Variants in ADRA1D observed in about 807,000 individuals in gnomAD.
ADRA1D encodes the protein adrenoceptor alpha 1D.
In ADRA1D, 22 loss-of-function variants were observed where a neutral mutation model predicts 18.6. The ratio of observed to expected loss-of-function variants is 1.19; its 90% CI spans 0.85 to 1.69. ADRA1D has a LOEUF of 1.69. Among genes scored for constraint, ADRA1D ranks in the 40% most tolerant of loss-of-function variants. The pLI is 0.00. For synonymous variants in ADRA1D, 376 were observed against 388.2 expected, an observed-to-expected ratio of 0.97 and a Z score of 0.37; for missense variants, 840 against 840.7, an observed-to-expected ratio of 1.00 and a Z score of 0.01.
intron 1 of ADRA1D, among the ~76,000 whole-genome samples, 188 bp downstream of exon 1, chr20:4,247,659 G>A (rs919820952): frequency 6.6e-6 from 1 of 152,204 alleles, no homozygotes; most frequent in African/African-American, 2.4e-5. Flanking sequence ...AACGAACCTG[G>A]CGAGGATGAA....
In ADRA1D at chr20:4,248,625, C is replaced by T. The variant is rs112361529; in HGVS notation, c.333G>A (p.Val111=). The change falls in exon 1 of 2, where the codon GTG becomes GTA. Residue 111 remains valine, a synonymous_variant. Coordinates refer to ENST00000379453, the MANE Select transcript of ADRA1D (RefSeq NM_000678.4). ...VFLAAFILMA[V]AGNLLVILSV... ...AGAGGATGACAAGCAGGTTACCTGC[C>T]ACGGCCATAAGGATGAAGGCTGCCA... 1.1e-4 allele frequency: 170 copies of T among 1,613,032 alleles called. No individual in the cohort carries two copies. Among genetic ancestry groups the T allele is most frequent in the Non-Finnish European group, 1.4e-4 (165 of 1,179,824 alleles).
Position 4,221,314 on chromosome 20 carries a change from C to T in ADRA1D, c.*209G>A. ...CCTTCTAAGAAAAGAGTTCTGGGCA[C>T]CTGAGTCCAGCAGGGGGCCCCACTA... is the stretch of plus-strand genomic sequence containing the variant. On this transcript the variant is annotated 3_prime_UTR_variant, in exon 2 of 2. Coordinates refer to ENST00000379453, the MANE Select transcript of ADRA1D (RefSeq NM_000678.4). 2 of 510,186 alleles carry T rather than the reference C, an allele frequency of 3.9e-6. No individual in the cohort carries two copies. The highest frequency in any genetic ancestry group is 6.7e-6 in the Non-Finnish European group (2 of 297,184). The allele number at this position is 510,186 out of a possible 1,614,324, so 31.6% of individuals were successfully genotyped here. A position where few individuals can be genotyped will look rare whatever the true frequency, so the allele number is the denominator to read the frequency against.
chr20:4,231,267 G>GTTATTATTATTA (rs58687402), intron 1 of ADRA1D, among the ~76,000 whole-genome samples: 5,878 of 138,870 alleles, frequency 0.042, 356 homozygotes, highest in African/African-American at 0.12. Context: ...CTGGCTAATT[G>GTTATTATTATTA]TTATTATTAT....
rs372414474 is a variant in ADRA1D at position 4,226,550 on chromosome 20, T to G, written c.1112-4420A>C. Among the ~76,000 whole-genome samples the G allele has an allele frequency of 3.3e-5, 5 of 152,012 alleles. No homozygotes were observed. The South Asian group carries it at 6.3e-4, about 19-fold the overall frequency. On this transcript the variant is annotated intron_variant, in intron 1 of 1. Coordinates refer to ENST00000379453, the MANE Select transcript of ADRA1D (RefSeq NM_000678.4). ...TCTCACACCAGTAGAGTGAGGGAGG[T>G]GGGGTATTTATACGCCCATTCCCAT...
intron 1 of ADRA1D, 76 bp downstream of exon 1, chr20:4,247,771 C>T: frequency 7.1e-7 from 1 of 1,411,862 alleles, no homozygotes; most frequent in Non-Finnish European, 9.3e-7. Flanking sequence ...GGGGGTCGCC[C>T]AAGTCTGGGT....
chr20:4,234,982 G>A (rs1468400407), intron 1 of ADRA1D, among the ~76,000 whole-genome samples: 1 of 152,206 alleles, frequency 6.6e-6, no homozygotes, highest in Non-Finnish European at 1.5e-5. Context: ...AGTCATGGAA[G>A]CCTGTCAGGA....
rs1980691712 is a variant in ADRA1D at position 4,222,260 on chromosome 20, G to A, written c.1112-130C>T. On this transcript the variant is annotated intron_variant, in intron 1 of 1. Coordinates refer to ENST00000379453, the MANE Select transcript of ADRA1D (RefSeq NM_000678.4). The surrounding 1 kb of genome is among the most constrained non-coding windows in gnomAD (Gnocchi z 4.3). ...GACTAGGAGTTCTCAAGGGATCCGT[G>A]CTGTAAATCAGGAGGTCCATGAACT... 1.5e-6 allele frequency: 2 copies of A among 1,312,764 alleles called. No homozygotes were observed. Among genetic ancestry groups the A allele is most frequent in the Non-Finnish European group, 2.0e-6 (2 of 990,848 alleles). 81.3% of individuals were successfully genotyped at this position (1,312,764 alleles called of 1,614,324 possible).
intron 1 of ADRA1D, among the ~76,000 whole-genome samples, chr20:4,227,858 T>G (rs112536656): frequency 0.018 from 2,690 of 151,978 alleles, 82 homozygotes; most frequent in African/African-American, 0.062. Context: ...CCGCCTGCCT[T>G]GGCCTCCCAA....
At position 4,239,158 on chromosome 20, in the gene ADRA1D, G is replaced by A. The variant is rs1348296985; in HGVS notation, c.1111+8689C>T. On this transcript the variant is annotated intron_variant, in intron 1 of 1. Coordinates refer to ENST00000379453, the MANE Select transcript of ADRA1D (RefSeq NM_000678.4). The surrounding 1 kb of genome is among the most constrained non-coding windows in gnomAD (Gnocchi z 4.9). The stretch of plus-strand genomic sequence containing the variant: ...AGGTCATTGTAGTCTCAAGGCCAGA[G>A]TGTCATCATGGGTCAGCCTCAGTAC... Among the ~76,000 whole-genome samples, 1 of 152,066 alleles carries A rather than the reference G, an allele frequency of 6.6e-6. No individual in the cohort carries two copies. Among genetic ancestry groups the A allele is most frequent in the African/African-American group, 2.4e-5 (1 of 41,402 alleles).
At chr20:4,231,288 A>ATTATTC (rs1479296105) in intron 1 of ADRA1D, among the ~76,000 whole-genome samples, 1 of 147,920 alleles carries the variant, frequency 6.8e-6, no homozygotes, top group Non-Finnish European at 1.5e-5. Flanking sequence ...TATTATTATT[A>ATTATTC]TTATTATTTT....
Position 4,247,920 on chromosome 20 carries a change from C to T in ADRA1D, c.1038G>A (p.Ala346=), listed in dbSNP as rs867469613. 5.0e-6 allele frequency: 8 copies of T among 1,604,818 alleles called. No homozygotes were observed. Among genetic ancestry groups the T allele is most frequent in the African/African-American group, 2.7e-5 (2 of 74,594 alleles). The change falls in exon 1 of 2, where the codon GCG becomes GCA. Residue 346 remains alanine (A), a synonymous_variant. Coordinates refer to ENST00000379453, the MANE Select transcript of ADRA1D (RefSeq NM_000678.4). ...RLLKFSREKK[A]AKTLAIVVGV... ...CCACGACGATGGCCAGAGTCTTGGCCGCTTTCTTCTCACGGGAGAACTTGA... is the reference window on the plus strand; with the variant it reads ...CCACGACGATGGCCAGAGTCTTGGCTGCTTTCTTCTCACGGGAGAACTTGA...
rs56362733 is a variant in ADRA1D at position 4,225,126 on chromosome 20, T to C, written c.1112-2996A>G. On this transcript the variant is annotated intron_variant, in intron 1 of 1. Transcript: ENST00000379453. Reference sequence around the variant, plus strand: ...AAGCAATTCTCCTGCCTCAGCCTCCTGAGTAGCTGGGACTACAGGCACGCA... The same window carrying C: ...AAGCAATTCTCCTGCCTCAGCCTCCCGAGTAGCTGGGACTACAGGCACGCA... 7.7e-3 allele frequency among the ~76,000 whole-genome samples: 1,168 copies of C among 151,066 alleles called. 13 individuals are homozygous for C. The highest frequency in any genetic ancestry group is 0.012 in the Non-Finnish European group (796 of 67,804).
chr20:4,244,419 G>A (rs923017426), intron 1 of ADRA1D, among the ~76,000 whole-genome samples: 5 of 152,082 alleles, frequency 3.3e-5, no homozygotes, highest in East Asian at 1.9e-4. Context: ...GTCTTTCAAC[G>A]TCAATGCTCC....
chr20:4,248,047 A>G lies in ADRA1D; in HGVS notation c.911T>C (p.Leu304Pro). The change falls in exon 1 of 2, where the codon CTG becomes CCG. Residue 304 changes from leucine (L) to proline (P), a missense_variant. Transcript: ENST00000379453. ...RERGKASEVV[L>P]RIHCRGAATG... ...GGCCGCGCCGCGACAGTGGATGCGC[A>G]GCACCACCTCGGAGGCCTTGCCTCG... 6.4e-7 allele frequency: 1 copy of G among 1,551,042 alleles called. No individual in the cohort carries two copies. The highest frequency in any genetic ancestry group is 8.7e-7 in the Non-Finnish European group (1 of 1,147,844).
rs1981445782 is a variant in ADRA1D, at chr20:4,249,166, G to T, written c.-209C>A. The T allele has an allele frequency of 9.2e-6, 2 of 217,964 alleles. No individual in the cohort carries two copies. Among genetic ancestry groups the T allele is most frequent in the East Asian group, 1.2e-4 (1 of 8,646 alleles). 13.5% of individuals were successfully genotyped at this position (217,964 alleles called of 1,614,324 possible). On this transcript the variant is annotated 5_prime_UTR_variant, in exon 1 of 2. Transcript: ENST00000379453. ...GCGGCCGGGCTCCCCGAGGCCGGCCGTGGAGTAGCACCGAAGAGCCGGGGC... is the reference window on the plus strand; with the variant it reads ...GCGGCCGGGCTCCCCGAGGCCGGCCTTGGAGTAGCACCGAAGAGCCGGGGC...
chr20:4,236,751 G>T (rs1023871395), intron 1 of ADRA1D, among the ~76,000 whole-genome samples: 1 of 152,208 alleles, frequency 6.6e-6, no homozygotes, highest in African/African-American at 2.4e-5. Flanking sequence ...AGGGAGGCAG[G>T]AGGCTCAGAG....
Position 4,221,431 on chromosome 20 carries a change from G to A in ADRA1D, c.*92C>T, listed in dbSNP as rs1980657084. The A allele has an allele frequency of 8.5e-6, 12 of 1,408,288 alleles. No homozygotes were observed. Among genetic ancestry groups the A allele is most frequent in the African/African-American group, 1.4e-5 (1 of 69,412 alleles). The allele number at this position is 1,408,288 out of a possible 1,614,324, so 87.2% of individuals were successfully genotyped here. ...TGCCCTGATCAGTTTCCGGGTCTCC[G>A]ATTTGCACGGGGGCTCTTAGAACAC... On this transcript the variant is annotated 3_prime_UTR_variant, in exon 2 of 2. Transcript: ENST00000379453.
At chr20:4,229,907 G>A (rs1420003768) in intron 1 of ADRA1D, among the ~76,000 whole-genome samples, 1 of 152,020 alleles carries the variant, frequency 6.6e-6, no homozygotes, top group African/African-American at 2.4e-5. Flanking sequence ...CTCCTAGCAA[G>A]AGCCTATGAC....
intron 1 of ADRA1D, among the ~76,000 whole-genome samples, chr20:4,237,690 G>A (rs1328249070): frequency 1.4e-5 from 2 of 141,298 alleles, no homozygotes; most frequent in African/African-American, 5.3e-5. Flanking sequence ...ATGGAGTCTT[G>A]CTGTGTCACC....
Sources: allele counts gnomAD v4.1 joint callset (sites outside exome capture counted in the v4.1 genomes callset), GRCh38; gene constraint gnomAD v4.1.1; non-coding constraint Gnocchi (gnomAD v3.1); transcripts MANE v1.5; gene names NCBI Gene and HGNC (gene_info 2026-07-23, HGNC 2026-07-21).